ADARB1: variants seen among roughly 807,000 people sequenced by gnomAD.
ADARB1 encodes double-stranded RNA-specific editase 1.
Under a neutral mutation model 52.4 loss-of-function variants are expected in ADARB1, and 10 were observed. The observed-to-expected ratio is 0.19, with a 90% CI of 0.12 to 0.32. The LOEUF (loss-of-function observed/expected upper bound fraction) is 0.32. Ranked by LOEUF, ADARB1 falls within the 10% of genes least tolerant of loss-of-function variation. The pLI is 1.00. For synonymous variants in ADARB1, 349 were observed against 371.1 expected (o/e 0.94, Z 0.68); for missense variants, 643 against 922.3 (o/e 0.70, Z 3.92).
intron 4 of ADARB1, among the ~76,000 whole-genome samples, chr21:45,180,105 C>T (rs1398384987): frequency 2.0e-5 from 3 of 152,342 alleles, no homozygotes; most frequent in South Asian, 2.1e-4. Flanking sequence ...ACGCGGGTGG[C>T]GAAGGACTCA....
chr21:45,124,236 C>T (rs1430351191), intron 1 of ADARB1, among the ~76,000 whole-genome samples: 3 of 152,212 alleles, frequency 2.0e-5, no homozygotes, highest in African/African-American at 7.2e-5. Flanking sequence ...TTCATCTTCA[C>T]AGAAGTGTCT....
chr21:45,131,824 C>T (rs1032106379), intron 2 of ADARB1, among the ~76,000 whole-genome samples: 2 of 152,352 alleles, frequency 1.3e-5, no homozygotes, highest in East Asian at 1.9e-4. Context: ...GCTTACACAG[C>T]GTGGAGGTGC....
chr21:45,173,204 G>A (rs1026412666), intron 3 of ADARB1, among the ~76,000 whole-genome samples: 3 of 152,228 alleles, frequency 2.0e-5, no homozygotes, highest in Admixed American at 6.5e-5. Flanking sequence ...AAGAGAAGCC[G>A]ATGTTGTAGT....
At chr21:45,183,593 C>A in intron 7 of ADARB1, 83 bp downstream of exon 7, 1 of 1,473,432 alleles carries the variant, frequency 6.8e-7, no homozygotes, top group Non-Finnish European at 9.2e-7. Context: ...TATCCCTTTT[C>A]CTTTTTTTCT....
intron 1 of ADARB1, among the ~76,000 whole-genome samples, chr21:45,097,777 T>C (rs945144588): frequency 1.3e-5 from 2 of 152,056 alleles, no homozygotes; most frequent in Non-Finnish European, 2.9e-5. Context: ...AGGGAGGCCA[T>C]TGGGTGGAAG....
At chr21:45,168,677 G>T (rs902200634) in intron 2 of ADARB1, among the ~76,000 whole-genome samples, 8 of 152,142 alleles carry the variant, frequency 5.3e-5, no homozygotes, top group African/African-American at 1.9e-4. Flanking sequence ...TGCCAACACT[G>T]TACCGTACCG....
chr21:45,124,424 G>C (rs1472203348), intron 1 of ADARB1, among the ~76,000 whole-genome samples: 1 of 151,888 alleles, frequency 6.6e-6, no homozygotes, highest in Non-Finnish European at 1.5e-5. Context: ...CCAGGCTCTA[G>C]AGTGTGATGG....
intron 1 of ADARB1, among the ~76,000 whole-genome samples, chr21:45,126,598 G>A (rs1311528075): frequency 6.6e-6 from 1 of 152,298 alleles, no homozygotes; most frequent in Admixed American, 6.5e-5. Context: ...CCTGGAAGGG[G>A]CTGAGTCACT....
chr21:45,085,968 G>A (rs981880596), intron 1 of ADARB1, among the ~76,000 whole-genome samples: 1 of 152,198 alleles, frequency 6.6e-6, no homozygotes, highest in African/African-American at 2.4e-5. Flanking sequence ...AGAAGTGCCT[G>A]ATAGATTTTA....
At chr21:45,206,605 G>T (rs1247265092) in intron 9 of ADARB1, among the ~76,000 whole-genome samples, 1 of 96,986 alleles carries the variant, frequency 1.0e-5, no homozygotes, top group African/African-American at 4.0e-5. Flanking sequence ...ACAGAGTCTT[G>T]CTCTATTGCC....
chr21:45,148,091 T>C (rs2090098283), intron 2 of ADARB1, among the ~76,000 whole-genome samples: 1 of 152,134 alleles, frequency 6.6e-6, no homozygotes, highest in Non-Finnish European at 1.5e-5. Context: ...AAGCTAAGCA[T>C]CTGTGAGAAC....
Position 45,225,582 on chromosome 21 carries a change from G to T in ADARB1, c.*3385G>T. ...GAGGGGACGGCTCCGTCTTCACATT[G>T]TGCACAGATCTGAGGATGGGATTAG... On this transcript the variant is annotated 3_prime_UTR_variant, in exon 11 of 11. Coordinates refer to ENST00000348831, the MANE Select transcript of ADARB1 (RefSeq NM_001112.4). 7.5e-7 allele frequency: 1 copy of T among 1,332,966 alleles called. No individual in the cohort carries two copies. Among genetic ancestry groups the T allele is most frequent in the Non-Finnish European group, 9.7e-7 (1 of 1,029,744 alleles). 82.6% of individuals were successfully genotyped at this position (1,332,966 alleles called of 1,614,324 possible).
intron 8 of ADARB1, among the ~76,000 whole-genome samples, chr21:45,202,113 C>T (rs1569160782): frequency 1.3e-5 from 2 of 151,834 alleles, no homozygotes; most frequent in African/African-American, 4.8e-5. Flanking sequence ...CCTGTGCTGG[C>T]CCACGTGTTC....
intron 1 of ADARB1, among the ~76,000 whole-genome samples, chr21:45,097,171 T>C (rs1306747579): frequency 1.3e-5 from 2 of 152,316 alleles, no homozygotes; most frequent in Non-Finnish European, 2.9e-5. Context: ...ATGGGTGGGG[T>C]TGGCCCTTTC....
rs753556817 is a variant in ADARB1, at chr21:45,183,406, G to A, written c.1292G>A (p.Arg431Gln). ...QKRSIFQKSE[R>Q]GGFRLKENVQ... ...AGATCCATCTTTCAGAAATCAGAGC[G>A]AGGGGGGTTTAGGCTGAAGGAGAAT... Residue 431 changes from arginine to glutamine, a missense_variant, in exon 7 of 11, where the codon CGA becomes CAA. Arg to Gln is a conservative substitution (Grantham distance 43). This residue lies in a region of ADARB1 where 263 missense variants were observed against 475.8 expected (regional missense o/e 0.55). Transcript: ENST00000348831. 12 of 1,608,158 alleles carry A rather than the reference G, an allele frequency of 7.5e-6. No homozygotes were observed. The highest frequency in any genetic ancestry group is 1.3e-5 in the African/African-American group (1 of 74,536).
At chr21:45,195,196 A>G (rs1049094703) in intron 8 of ADARB1, among the ~76,000 whole-genome samples, 2 of 152,140 alleles carry the variant, frequency 1.3e-5, no homozygotes, top group African/African-American at 4.8e-5. Flanking sequence ...TGCCATCTGT[A>G]TATCTTCTTG....
intron 8 of ADARB1, among the ~76,000 whole-genome samples, chr21:45,198,758 C>T (rs2092485088): frequency 6.6e-6 from 1 of 152,076 alleles, no homozygotes; most frequent in African/African-American, 2.4e-5. Context: ...CAGACAAGGA[C>T]AGTAAAGGAA....
intron 2 of ADARB1, among the ~76,000 whole-genome samples, chr21:45,159,076 A>G (rs1219618059): frequency 6.6e-6 from 1 of 152,244 alleles, no homozygotes; most frequent in African/African-American, 2.4e-5. Context: ...ATGAAAAAGC[A>G]AAGGTGATCA....
chr21:45,220,909 C>T lies in ADARB1; in HGVS notation c.1821C>T (p.Ser607=), dbSNP rs751320353. The T allele has an allele frequency of 8.7e-6, 14 of 1,613,350 alleles. No homozygotes were observed. Among genetic ancestry groups the T allele is most frequent in the East Asian group, 4.5e-5 (2 of 44,900 alleles). ...GTGTCAACTGGACGGTAGGCGACTC[C>T]GCTATTGAGGTCATCAACGCCACGA... ...NFSVNWTVGD[S]AIEVINATTG... Residue 607 remains serine (S), a synonymous_variant, in exon 10 of 11, where the codon TCC becomes TCT. Coordinates refer to ENST00000348831, the MANE Select transcript of ADARB1 (RefSeq NM_001112.4). This position sits in a 1 kb window ranked among gnomAD's most constrained non-coding sequence, Gnocchi z 6.3.
Sources: allele counts gnomAD v4.1 joint callset (sites outside exome capture counted in the v4.1 genomes callset), GRCh38; gene constraint gnomAD v4.1.1; regional missense constraint gnomAD v4.1.1; non-coding constraint Gnocchi (gnomAD v3.1); transcripts MANE v1.5; gene names NCBI Gene and HGNC (gene_info 2026-07-23, HGNC 2026-07-21).